The following PTPRK variants were observed in gnomAD, a reference collection of about 807,000 sequenced individuals.
The protein encoded by PTPRK is protein tyrosine phosphatase receptor type K, also known as receptor-type tyrosine-protein phosphatase kappa.
In PTPRK, 75 loss-of-function variants were observed where a neutral mutation model predicts 178.0. The ratio of observed to expected loss-of-function variants is 0.42; its 90% CI spans 0.35 to 0.51. The LOEUF (loss-of-function observed/expected upper bound fraction) is 0.51. Ranked by LOEUF, PTPRK falls within the 20% of genes least tolerant of loss-of-function variation. PTPRK has a pLI of 0.02. For synonymous variants in PTPRK, 637 were observed against 620.6 expected (o/e 1.03, Z -0.39); for missense variants, 1,441 against 1,797.8 (o/e 0.80, Z 3.59).
chr6:128,343,387 C>A (rs1397777873), intron 2 of PTPRK, among the ~76,000 whole-genome samples: 1 of 151,448 alleles, frequency 6.6e-6, no homozygotes, highest in Non-Finnish European at 1.5e-5. Context: ...ATAATCCCAG[C>A]TACTCTGGAG....
At chr6:128,051,674 G>A (rs554060225) in intron 13 of PTPRK, among the ~76,000 whole-genome samples, 1 of 151,970 alleles carries the variant, frequency 6.6e-6, no homozygotes, top group Non-Finnish European at 1.5e-5. Flanking sequence ...TCCTCCTACT[G>A]TCTCAAGATG....
In PTPRK at chr6:128,519,545, C is replaced by A. The variant is rs912495853; in HGVS notation, c.100+714G>T. 6.6e-6 allele frequency among the ~76,000 whole-genome samples: 1 copy of A among 152,220 alleles called. No homozygotes were observed. The highest frequency in any genetic ancestry group is 1.5e-5 in the Non-Finnish European group (1 of 68,042). Reference sequence around the variant, plus strand: ...GTTTTGCCCGAGGAGCGGGCTCCCACGCGCGAGTCAGGCTTCCTCCACCAG... The same window carrying A: ...GTTTTGCCCGAGGAGCGGGCTCCCAAGCGCGAGTCAGGCTTCCTCCACCAG... On this transcript the variant is annotated intron_variant, in intron 1 of 29. Transcript: ENST00000368226. The surrounding 1 kb of genome is among the most constrained non-coding windows in gnomAD (Gnocchi z 4.3).
At chr6:128,153,773 A>G (rs963535101) in intron 7 of PTPRK, among the ~76,000 whole-genome samples, 1 of 151,986 alleles carries the variant, frequency 6.6e-6, no homozygotes, top group Admixed American at 6.6e-5. Context: ...AAATTCAGCA[A>G]GATTTTGTTA....
chr6:128,072,497 T>G (rs1783004548), intron 11 of PTPRK, among the ~76,000 whole-genome samples: 1 of 152,038 alleles, frequency 6.6e-6, no homozygotes, highest in African/African-American at 2.4e-5. Flanking sequence ...TAATATCTCA[T>G]GTATTACATA....
At chr6:128,206,398 G>A (rs1329862918) in intron 6 of PTPRK, among the ~76,000 whole-genome samples, 3 of 141,790 alleles carry the variant, frequency 2.1e-5, no homozygotes, top group African/African-American at 8.3e-5. Flanking sequence ...ATAATAAAGG[G>A]TGTTCATTAA....
intron 1 of PTPRK, among the ~76,000 whole-genome samples, chr6:128,476,297 T>C (rs1003993008): frequency 1.3e-5 from 2 of 152,084 alleles, no homozygotes; most frequent in African/African-American, 2.4e-5. Context: ...AAGACAGATA[T>C]GTTAATTGAT....
intron 3 of PTPRK, among the ~76,000 whole-genome samples, chr6:128,299,449 T>C (rs2128311054): frequency 6.6e-6 from 1 of 152,182 alleles, no homozygotes; most frequent in Middle Eastern, 3.4e-3. Context: ...GCTGGAGGCA[T>C]CATGCTACCT....
chr6:128,465,162 G>T (rs1053315485), intron 1 of PTPRK, among the ~76,000 whole-genome samples: 1 of 148,508 alleles, frequency 6.7e-6, no homozygotes, highest in Admixed American at 6.7e-5. Flanking sequence ...CCCAGGGAAA[G>T]GTAGTGAAGA....
rs1000453494 is a variant in PTPRK at position 128,286,961 on chromosome 6, AT to A, written c.495+35077del. Among the ~76,000 whole-genome samples, 32 of 152,036 alleles carry A rather than the reference AT, an allele frequency of 2.1e-4. 1 individual carries two copies. The highest frequency in any genetic ancestry group is 7.5e-4 in the African/African-American group (31 of 41,480). On this transcript the variant is annotated intron_variant, in intron 3 of 29. Transcript: ENST00000368226. ...TCCCAGATCTGGGTGAATTTTGAGA[AT>A]TTTTTTGTCCTACTGCTTTTCAGTG...
intron 13 of PTPRK, among the ~76,000 whole-genome samples, chr6:128,016,556 T>A (rs1779614731): frequency 6.6e-6 from 1 of 151,926 alleles, no homozygotes. Context: ...TATGCCAAGG[T>A]GCCATATTTT....
At chr6:128,098,320 G>A (rs562859272) in intron 7 of PTPRK, among the ~76,000 whole-genome samples, 2 of 152,202 alleles carry the variant, frequency 1.3e-5, no homozygotes, top group South Asian at 4.1e-4. Flanking sequence ...CCCATGCTTT[G>A]ATTTTGGCCT....
intron 1 of PTPRK, among the ~76,000 whole-genome samples, chr6:128,398,234 A>T (rs1584526156): frequency 6.6e-6 from 1 of 152,198 alleles, no homozygotes; most frequent in East Asian, 1.9e-4. Flanking sequence ...CACCTCATGT[A>T]AATGAAGTGG....
chr6:128,218,756 T>C (rs1809830514), intron 6 of PTPRK, among the ~76,000 whole-genome samples, 166 bp downstream of exon 6: 1 of 152,236 alleles, frequency 6.6e-6, no homozygotes, highest in Non-Finnish European at 1.5e-5. Flanking sequence ...AACTACAGTC[T>C]TAATTTCACC....
Position 128,510,063 on chromosome 6 carries a change from A to AT in PTPRK, c.100+10195dup, listed in dbSNP as rs1856943113. On this transcript the variant is annotated intron_variant, in intron 1 of 29. Coordinates refer to ENST00000368226, the MANE Select transcript of PTPRK (RefSeq NM_002844.4). ...AGAAAAAGAGTCATAAGTTATTATC[A>AT]TAAGTTATTTATGATAATAGACAAA... is the stretch of plus-strand genomic sequence containing the variant. Among the ~76,000 whole-genome samples, 3 of 152,348 alleles carry AT rather than the reference A, an allele frequency of 2.0e-5. No individual in the cohort carries two copies. The South Asian group carries it at 6.2e-4, about 32-fold the overall frequency.
chr6:128,176,296 A>G (rs1358450290), intron 7 of PTPRK, among the ~76,000 whole-genome samples: 3 of 151,920 alleles, frequency 2.0e-5, no homozygotes, highest in Non-Finnish European at 4.4e-5. Flanking sequence ...AAATAATTTA[A>G]TTAACAGGTA....
At chr6:128,398,141 C>T (rs374290365) in intron 1 of PTPRK, among the ~76,000 whole-genome samples, 15 of 152,210 alleles carry the variant, frequency 9.9e-5, no homozygotes, top group African/African-American at 2.9e-4. Flanking sequence ...TGGGAGTGCG[C>T]GAGCAGCAGC....
chr6:128,204,613 C>T (rs529590345), intron 6 of PTPRK, among the ~76,000 whole-genome samples: 11 of 149,970 alleles, frequency 7.3e-5, no homozygotes, highest in Middle Eastern at 3.4e-3. Flanking sequence ...AGGACATGAA[C>T]AGACATTTCT....
intron 1 of PTPRK, among the ~76,000 whole-genome samples, chr6:128,426,752 CA>C (rs1205291100): frequency 6.6e-6 from 1 of 152,034 alleles, no homozygotes; most frequent in Non-Finnish European, 1.5e-5. Context: ...AAAAGTGAAA[CA>C]AAAACATTTG....
intron 3 of PTPRK, among the ~76,000 whole-genome samples, chr6:128,320,161 C>T (rs1032522403): frequency 6.6e-6 from 1 of 152,162 alleles, no homozygotes; most frequent in Non-Finnish European, 1.5e-5. Flanking sequence ...TGCTTAAATA[C>T]ACCACAAGCA....
Sources: gnomAD v4.1 joint callset for allele counts (sites outside exome capture counted in the v4.1 genomes callset) on GRCh38, gnomAD v4.1.1 for gene constraint, Gnocchi (gnomAD v3.1) non-coding constraint, MANE v1.5 for transcripts, NCBI Gene and HGNC (gene_info 2026-07-23, HGNC 2026-07-21) for gene names.